Variants in GRIK1 observed in about 807,000 individuals in gnomAD.
GRIK1 encodes the protein glutamate ionotropic receptor kainate type subunit 1.
GRIK1 carries 69 observed loss-of-function variants against 105.7 expected under a neutral mutation model. The observed-to-expected ratio is 0.65, with a 90% confidence interval of 0.54 to 0.80. The LOEUF is 0.80. Among genes scored for constraint, GRIK1 ranks in the 30% least tolerant of loss-of-function variants. The pLI is 0.00. For synonymous variants in GRIK1, 438 were observed against 431.3 expected, an observed-to-expected ratio of 1.02 and a Z score of -0.19; for missense variants, 1,109 against 1,167.3, an observed-to-expected ratio of 0.95 and a Z score of 0.73.
intron 1 of GRIK1, among the ~76,000 whole-genome samples, chr21:29,851,724 G>T (rs919462872): frequency 6.6e-6 from 1 of 151,872 alleles, no homozygotes; most frequent in Non-Finnish European, 1.5e-5. Flanking sequence ...CTACCTCATG[G>T]CCTCAACTCT....
chr21:29,546,102 G>A (rs76859764), intron 16 of GRIK1, among the ~76,000 whole-genome samples: 3,630 of 152,238 alleles, frequency 0.024, 133 homozygotes, highest in African/African-American at 0.082. Context: ...ACTAGGTCAT[G>A]AACACTGATT....
intron 13 of GRIK1, among the ~76,000 whole-genome samples, chr21:29,577,492 T>G (rs1568840036): frequency 6.6e-6 from 1 of 152,196 alleles, no homozygotes; most frequent in Non-Finnish European, 1.5e-5. Flanking sequence ...CCCCAAGACT[T>G]TTTGCCTTTT....
rs553315765 is a variant in GRIK1 at position 29,709,284 on chromosome 21, T to C, written c.119-15221A>G. On this transcript the variant is annotated intron_variant, in intron 1 of 17. Coordinates refer to ENST00000327783, the MANE Select transcript of GRIK1 (RefSeq NM_001330994.2). Reference sequence around the variant, plus strand: ...GGATCCATTTACTCTTCTTCTTTTTTTTTTTTTTTTTTTTGAGACAGAGTC... The same window carrying C: ...GGATCCATTTACTCTTCTTCTTTTTCTTTTTTTTTTTTTTGAGACAGAGTC... Among the ~76,000 whole-genome samples the C allele has an allele frequency of 2.6e-3, 394 of 149,034 alleles. 4 individuals are homozygous for C. The highest frequency in any genetic ancestry group is 9.2e-3 in the African/African-American group (376 of 40,656).
chr21:29,771,684 G>A (rs2065817218), intron 1 of GRIK1, among the ~76,000 whole-genome samples: 1 of 152,238 alleles, frequency 6.6e-6, no homozygotes. Context: ...CCAAGCCAGT[G>A]TGGGCTGGAT....
intron 1 of GRIK1, among the ~76,000 whole-genome samples, chr21:29,799,245 T>C (rs991225402): frequency 6.6e-6 from 1 of 152,340 alleles, no homozygotes; most frequent in South Asian, 2.1e-4. Context: ...TTAGAAGAAC[T>C]GGAAAAGAAT....
intron 16 of GRIK1, among the ~76,000 whole-genome samples, chr21:29,539,556 T>C (rs1193640322): frequency 6.6e-6 from 1 of 152,216 alleles, no homozygotes; most frequent in Admixed American, 6.5e-5. Flanking sequence ...CTGTATATCA[T>C]GAATGAAATA....
At chr21:29,589,767 C>G (rs1484795209) in intron 10 of GRIK1, among the ~76,000 whole-genome samples, 2 of 152,086 alleles carry the variant, frequency 1.3e-5, no homozygotes, top group African/African-American at 4.8e-5. Context: ...ATCTACATCA[C>G]CAACTATTTC....
intron 1 of GRIK1, among the ~76,000 whole-genome samples, chr21:29,848,904 C>G (rs967880704): frequency 9.3e-5 from 14 of 151,074 alleles, no homozygotes; most frequent in Admixed American, 7.9e-4. Context: ...TTTATTCCAC[C>G]CTATTCAAAT....
chr21:29,890,148 A>C (rs2069838923), intron 1 of GRIK1, among the ~76,000 whole-genome samples: 2 of 152,108 alleles, frequency 1.3e-5, no homozygotes, highest in African/African-American at 4.8e-5. Context: ...TAGACTTCAA[A>C]ATTCACAAAA....
At chr21:29,800,759 A>G (rs1360601758) in intron 1 of GRIK1, among the ~76,000 whole-genome samples, 2 of 152,224 alleles carry the variant, frequency 1.3e-5, no homozygotes, top group Non-Finnish European at 2.9e-5. Context: ...TACCACAAAG[A>G]TACTTTGTAT....
chr21:29,545,037 G>A (rs1248184732), intron 16 of GRIK1, among the ~76,000 whole-genome samples: 2 of 152,216 alleles, frequency 1.3e-5, no homozygotes, highest in Non-Finnish European at 2.9e-5. Flanking sequence ...TGTCAGTGGG[G>A]TATGCCATCA....
intron 1 of GRIK1, among the ~76,000 whole-genome samples, chr21:29,846,908 T>C (rs1301212471): frequency 6.6e-6 from 1 of 152,202 alleles, no homozygotes; most frequent in Non-Finnish European, 1.5e-5. Context: ...TATATGTGTA[T>C]GCATGTGTAT....
intron 1 of GRIK1, among the ~76,000 whole-genome samples, chr21:29,776,090 C>T (rs2065937035): frequency 6.6e-6 from 1 of 152,096 alleles, no homozygotes; most frequent in African/African-American, 2.4e-5. Context: ...TTTAAAACCA[C>T]CAGATATTGT....
intron 7 of GRIK1, among the ~76,000 whole-genome samples, chr21:29,625,881 C>T (rs146540614): frequency 2.0e-3 from 309 of 152,104 alleles, no homozygotes; most frequent in African/African-American, 7.1e-3. Context: ...ATGGTTGTAC[C>T]CCTGAAGAGT....
chr21:29,552,422 C>T (rs992571454), intron 16 of GRIK1, among the ~76,000 whole-genome samples: 4 of 152,070 alleles, frequency 2.6e-5, no homozygotes, highest in African/African-American at 7.2e-5. Context: ...AAATTATTTA[C>T]AGCACTTTGA....
At chr21:29,613,883 CA>C (rs1273020294) in intron 7 of GRIK1, among the ~76,000 whole-genome samples, 1 of 152,050 alleles carries the variant, frequency 6.6e-6, no homozygotes, top group Non-Finnish European at 1.5e-5. Flanking sequence ...GATTTTCAGG[CA>C]AAATACAGAT....
In GRIK1 at chr21:29,602,300, A is replaced by G. The variant is rs116010008; in HGVS notation, c.1099-3363T>C. ...ACACAGTTGTTATACTCAAATTTCA[A>G]TGTAAAACATATTACTATCTGGCTG... On this transcript the variant is annotated intron_variant, in intron 7 of 17. Transcript: ENST00000327783. Among the ~76,000 whole-genome samples, 1,438 of 152,360 alleles carry G rather than the reference A, an allele frequency of 9.4e-3. 20 individuals carry two copies. Among genetic ancestry groups the G allele is most frequent in the African/African-American group, 0.033 (1,377 of 41,586 alleles).
chr21:29,620,810 T>TAGATAG (rs1568897692), intron 7 of GRIK1, among the ~76,000 whole-genome samples: 164 of 114,934 alleles, frequency 1.4e-3, no homozygotes, highest in African/African-American at 6.2e-3. Flanking sequence ...TATATAGATA[T>TAGATAG]ATATATATAG....
At position 29,555,289 on chromosome 21, in the gene GRIK1, C is replaced by G; in HGVS notation, c.2370G>C (p.Arg790=). 6.2e-7 allele frequency: 1 copy of G among 1,613,138 alleles called. No homozygotes were observed. Among genetic ancestry groups the G allele is most frequent in the Non-Finnish European group, 8.5e-7 (1 of 1,179,498 alleles). ...GAAGAATAGCAATAGTAATTTTATC[C>G]CGGTAAGGAGAACCTGGAAGTAAAA... ...GVGTPIGSPY[R]DKITIAILQL... The change falls in exon 16 of 18, where the codon CGG becomes CGC. Residue 790 remains arginine, a synonymous_variant. Coordinates refer to ENST00000327783, the MANE Select transcript of GRIK1 (RefSeq NM_001330994.2).
Sources: allele counts gnomAD v4.1 joint callset (sites outside exome capture counted in the v4.1 genomes callset), GRCh38; gene constraint gnomAD v4.1.1; transcripts MANE v1.5; gene names NCBI Gene and HGNC (gene_info 2026-07-23, HGNC 2026-07-21).